The following ZNF398 variants were observed in gnomAD, a reference collection of about 807,000 sequenced individuals.
ZNF398 encodes the protein zinc finger protein 398.
In ZNF398, 18 loss-of-function variants were observed where a neutral mutation model predicts 41.9. The observed-to-expected ratio is 0.43, with a 90% CI of 0.30 to 0.64. The LOEUF is 0.64. Among genes scored for constraint, ZNF398 ranks in the 30% least tolerant of loss-of-function variants. ZNF398 has a pLI of 0.14. For missense variants in ZNF398, 669 were observed against 822.8 expected (o/e 0.81, Z 2.29); for synonymous variants, 260 against 308.8 (o/e 0.84, Z 1.66).
chr7:149,164,578 G>A (rs1795187099), intron 2 of ZNF398, among the ~76,000 whole-genome samples: 1 of 152,170 alleles, frequency 6.6e-6, no homozygotes, highest in South Asian at 2.1e-4. Context: ...ATGGTTTACT[G>A]TCAGACAATG....
Position 149,182,220 on chromosome 7 carries a change from A to T in ZNF398, c.*2419A>T, listed in dbSNP as rs1311295654. Reference sequence around the variant, plus strand: ...TTTGGCAAAAAGTGAACACAATTCAAATACGAATGAAGGAAGAGCCCTCAG... The same window carrying T: ...TTTGGCAAAAAGTGAACACAATTCATATACGAATGAAGGAAGAGCCCTCAG... On this transcript the variant is annotated 3_prime_UTR_variant, in exon 6 of 6. Coordinates refer to ENST00000475153, the MANE Select transcript of ZNF398 (RefSeq NM_170686.3). 2 of 152,242 alleles carry T rather than the reference A, an allele frequency of 1.3e-5. No individual in the cohort carries two copies. The highest frequency in any genetic ancestry group is 4.8e-5 in the African/African-American group (2 of 41,450). 9.4% of individuals were successfully genotyped at this position (152,242 alleles called of 1,614,324 possible). A position where few individuals can be genotyped will look rare whatever the true frequency, so the allele number is the denominator to read the frequency against.
rs1795562425 is a variant in ZNF398, at chr7:149,180,273, G to C, written c.*472G>C. ...TTTGATAGCTAAGATGGTTGTTGGA[G>C]AAAGTGCTTAAGCCACTGTTTATGT... On this transcript the variant is annotated 3_prime_UTR_variant, in exon 6 of 6. Coordinates refer to ENST00000475153, the MANE Select transcript of ZNF398 (RefSeq NM_170686.3). 2 of 154,064 alleles carry C rather than the reference G, an allele frequency of 1.3e-5. No homozygotes were observed. 9.5% of individuals were successfully genotyped at this position (154,064 alleles called of 1,614,324 possible).
intron 1 of ZNF398, among the ~76,000 whole-genome samples, chr7:149,127,495 A>G (rs1208818441): frequency 6.7e-6 from 1 of 148,542 alleles, no homozygotes; most frequent in Non-Finnish European, 1.5e-5. Context: ...TCACGAGGTC[A>G]GGAGAGCGAG....
At chr7:149,174,467 C>T (rs531295796) in intron 4 of ZNF398, among the ~76,000 whole-genome samples, 26 of 152,234 alleles carry the variant, frequency 1.7e-4, no homozygotes, top group Admixed American at 1.4e-3. Context: ...GGATTATGAG[C>T]GTGAGCCACT....
intron 2 of ZNF398, among the ~76,000 whole-genome samples, chr7:149,162,828 T>G (rs1426229629): frequency 1.4e-5 from 2 of 147,176 alleles, no homozygotes; most frequent in Non-Finnish European, 3.0e-5. Context: ...GAGGCCGAGG[T>G]GGGCAGATCG....
At chr7:149,163,840 C>T (rs1203879016) in intron 2 of ZNF398, among the ~76,000 whole-genome samples, 1 of 152,116 alleles carries the variant, frequency 6.6e-6, no homozygotes, top group African/African-American at 2.4e-5. Context: ...GGAGTGGTGG[C>T]GGTGGCTCAC....
chr7:149,175,888 G>A (rs1018027344), intron 4 of ZNF398, among the ~76,000 whole-genome samples: 5 of 151,990 alleles, frequency 3.3e-5, no homozygotes, highest in South Asian at 2.1e-4. Context: ...GTTTTGCCAC[G>A]TTGGTCAGGC....
intron 2 of ZNF398, among the ~76,000 whole-genome samples, chr7:149,141,447 C>CTTTT (rs35331670): frequency 0.017 from 2,015 of 116,498 alleles, 214 homozygotes; most frequent in East Asian, 0.037. Flanking sequence ...AGCTACTTTT[C>CTTTT]TTTTTTTTCT....
At position 149,150,415 on chromosome 7, in the gene ZNF398, A is replaced by G. The variant is rs138573869; in HGVS notation, c.24+2649A>G. Among the ~76,000 whole-genome samples the G allele has an allele frequency of 2.3e-3, 345 of 152,214 alleles. 1 individual carries two copies. The highest frequency in any genetic ancestry group is 8.0e-3 in the African/African-American group (332 of 41,556). ...GTAGTTTGAGACCAGCCTAGGCAATATGGTGAAACCCTGTCTCTACCAAAA... is the reference window on the plus strand; with the variant it reads ...GTAGTTTGAGACCAGCCTAGGCAATGTGGTGAAACCCTGTCTCTACCAAAA... On this transcript the variant is annotated intron_variant, in intron 1 of 5. Coordinates refer to ENST00000475153, the MANE Select transcript of ZNF398 (RefSeq NM_170686.3).
chr7:149,144,433 G>A (rs191507729), upstream of ZNF398, among the ~76,000 whole-genome samples: 194 of 151,958 alleles, frequency 1.3e-3, no homozygotes, highest in East Asian at 0.033. Flanking sequence ...TCAGCCTCCC[G>A]AGTAACTGGG....
intron 1 of ZNF398, among the ~76,000 whole-genome samples, chr7:149,153,078 C>T (rs1279745414): frequency 4.0e-5 from 6 of 151,870 alleles, no homozygotes; most frequent in South Asian, 2.1e-4. Flanking sequence ...AGGCTGGACT[C>T]GCACTCCCAA....
chr7:149,145,106 C>G (rs1329033800), upstream of ZNF398, among the ~76,000 whole-genome samples: 3 of 152,148 alleles, frequency 2.0e-5, no homozygotes, highest in Non-Finnish European at 2.9e-5. Context: ...TTAGTCTGCT[C>G]AAGAGCAGTT....
intron 4 of ZNF398, among the ~76,000 whole-genome samples, chr7:149,174,708 C>T (rs1017695673): frequency 5.3e-5 from 8 of 152,086 alleles, no homozygotes; most frequent in Non-Finnish European, 1.0e-4. Context: ...CACCTGTGGT[C>T]CCAGCTACTA....
chr7:149,165,740 T>A (rs1324625896), intron 2 of ZNF398, among the ~76,000 whole-genome samples: 1 of 152,142 alleles, frequency 6.6e-6, no homozygotes, highest in African/African-American at 2.4e-5. Context: ...GGCAAAAGAC[T>A]AGAGGAACTA....
intron 1 of ZNF398, among the ~76,000 whole-genome samples, chr7:149,152,511 G>A (rs1276829462): frequency 4.0e-5 from 6 of 150,852 alleles, no homozygotes; most frequent in Admixed American, 3.3e-4. Flanking sequence ...CCACCCCCTC[G>A]GCCTCCCAAA....
At chr7:149,131,122 A>G (rs1489529982) in intron 2 of ZNF398, among the ~76,000 whole-genome samples, 1 of 152,216 alleles carries the variant, frequency 6.6e-6, no homozygotes, top group African/African-American at 2.4e-5. Context: ...TAAGACTAAA[A>G]GGATCAGTTA....
Position 149,179,318 on chromosome 7 carries a change from T to C in ZNF398, c.1446T>C (p.Pro482=), listed in dbSNP as rs1233257471. Residue 482 remains proline, a synonymous_variant, in exon 6 of 6, where the codon CCT becomes CCC. Coordinates refer to ENST00000475153, the MANE Select transcript of ZNF398 (RefSeq NM_170686.3). The surrounding 1 kb of genome is among the most constrained non-coding windows in gnomAD (Gnocchi z 6.1). ...LHQRGHAQER[P]FSCPQCGIDF... ...AGCGGGGTCATGCACAAGAGCGCCC[T>C]TTCTCCTGCCCTCAGTGTGGCATTG... 1.2e-6 allele frequency: 2 copies of C among 1,613,252 alleles called. No individual in the cohort carries two copies. Among genetic ancestry groups the C allele is most frequent in the Non-Finnish European group, 1.7e-6 (2 of 1,179,976 alleles).
chr7:149,142,140 A>AAAGC (rs1287274007), intron 2 of ZNF398, among the ~76,000 whole-genome samples: 1 of 152,108 alleles, frequency 6.6e-6, no homozygotes, highest in East Asian at 1.9e-4. Flanking sequence ...TGTAGAGATA[A>AAAGC]TTGCTATAGA....
chr7:149,168,813 C>T (rs1430901436), intron 4 of ZNF398, among the ~76,000 whole-genome samples: 1 of 152,086 alleles, frequency 6.6e-6, no homozygotes, highest in Non-Finnish European at 1.5e-5. Flanking sequence ...CCTTGGCTTC[C>T]CAAAGTGCTG....
Sources: gnomAD v4.1 joint callset for allele counts (sites outside exome capture counted in the v4.1 genomes callset) on GRCh38, gnomAD v4.1.1 for gene constraint, Gnocchi (gnomAD v3.1) non-coding constraint, MANE v1.5 for transcripts, NCBI Gene and HGNC (gene_info 2026-07-23, HGNC 2026-07-21) for gene names.